Variants in BMP2K observed in about 807,000 individuals in gnomAD.
The protein encoded by BMP2K is BMP2 inducible kinase.
A neutral mutation model predicts 116.0 loss-of-function variants in BMP2K; 74 were observed. That is an observed-to-expected ratio of 0.64 (90% CI 0.53 to 0.77). The LOEUF (loss-of-function observed/expected upper bound fraction) is 0.77, where lower values mean the gene tolerates loss of function less well. BMP2K is among the 30% of genes least tolerant of loss of function. The pLI is 0.00. For missense variants in BMP2K, 1,365 were observed against 1,403.6 expected (o/e 0.97, Z 0.44); for synonymous variants, 486 against 502.5 (o/e 0.97, Z 0.44).
chr4:78,834,552 C>T (rs1010535312), intron 3 of BMP2K, among the ~76,000 whole-genome samples: 2 of 152,134 alleles, frequency 1.3e-5, no homozygotes, highest in Non-Finnish European at 2.9e-5. Context: ...TGAGCTACCG[C>T]GTCTGTCCTT....
intron 3 of BMP2K, among the ~76,000 whole-genome samples, chr4:78,841,936 C>T (rs1302237734): frequency 6.6e-6 from 1 of 151,940 alleles, no homozygotes; most frequent in Non-Finnish European, 1.5e-5. Context: ...ATTTAGGTTT[C>T]TCATATAAGT....
At chr4:78,794,818 C>T (rs1385434350) in intron 1 of BMP2K, among the ~76,000 whole-genome samples, 1 of 152,182 alleles carries the variant, frequency 6.6e-6, no homozygotes, top group African/African-American at 2.4e-5. Context: ...CCACCTGGGC[C>T]TCCCAAAGTG....
chr4:78,892,962 G>A (rs948085969), intron 15 of BMP2K, among the ~76,000 whole-genome samples: 3 of 152,168 alleles, frequency 2.0e-5, no homozygotes, highest in African/African-American at 7.2e-5. Context: ...GGTGGCTATG[G>A]TAATTTCTTA....
intron 1 of BMP2K, among the ~76,000 whole-genome samples, chr4:78,823,282 C>T (rs912735668): frequency 6.6e-6 from 1 of 151,862 alleles, no homozygotes; most frequent in African/African-American, 2.4e-5. Context: ...TCACATTGCT[C>T]TGTGGGTGAG....
At chr4:78,847,666 T>C (rs1731074887) in intron 6 of BMP2K, among the ~76,000 whole-genome samples, 2 of 151,678 alleles carry the variant, frequency 1.3e-5, no homozygotes, top group African/African-American at 2.4e-5. Context: ...TGGAAATTGA[T>C]ATGAGTAAAT....
intron 1 of BMP2K, among the ~76,000 whole-genome samples, chr4:78,809,696 T>G (rs1446149564): frequency 6.6e-6 from 1 of 151,896 alleles, no homozygotes; most frequent in Non-Finnish European, 1.5e-5. Flanking sequence ...GTTTTTTTTT[T>G]TTTTTAAATA....
chr4:78,836,857 G>C (rs1428209912), intron 3 of BMP2K, among the ~76,000 whole-genome samples: 2 of 152,138 alleles, frequency 1.3e-5, no homozygotes, highest in Non-Finnish European at 2.9e-5. Flanking sequence ...TATTGTGATT[G>C]CTTAATTTTT....
intron 10 of BMP2K, among the ~76,000 whole-genome samples, chr4:78,866,388 A>G (rs1018163244): frequency 6.6e-6 from 1 of 152,140 alleles, no homozygotes; most frequent in Non-Finnish European, 1.5e-5. Context: ...TAATGTTAAA[A>G]TGTTTTTAAT....
At chr4:78,806,744 T>A (rs1227501182) in intron 1 of BMP2K, among the ~76,000 whole-genome samples, 1 of 152,114 alleles carries the variant, frequency 6.6e-6, no homozygotes, top group East Asian at 1.9e-4. Flanking sequence ...AGCTGTGGGA[T>A]TTTTGTAGAT....
At chr4:78,810,044 C>G (rs1289766219) in intron 1 of BMP2K, among the ~76,000 whole-genome samples, 4 of 152,166 alleles carry the variant, frequency 2.6e-5, no homozygotes, top group African/African-American at 9.7e-5. Flanking sequence ...ACTGACTTTC[C>G]TGTACTAATT....
rs180732426 is a variant in BMP2K, at chr4:78,913,557, C to A, written c.*1524C>A. Reference sequence around the variant, plus strand: ...AGGAGTAGAAACTCATCAACTGGCACTCTCTTTGATTTTTATATTTTAAAT... The same window carrying A: ...AGGAGTAGAAACTCATCAACTGGCAATCTCTTTGATTTTTATATTTTAAAT... On this transcript the variant is annotated 3_prime_UTR_variant, in exon 16 of 16. Coordinates refer to ENST00000502613, the MANE Select transcript of BMP2K (RefSeq NM_198892.2). 3 of 152,108 alleles carry A rather than the reference C, an allele frequency of 2.0e-5. No individual in the cohort carries two copies. The highest frequency in any genetic ancestry group is 1.3e-4 in the Admixed American group (2 of 15,262). The allele number at this position is 152,108 out of a possible 1,614,324, so 9.4% of individuals were successfully genotyped here. A position where few individuals can be genotyped will look rare whatever the true frequency, so the allele number is the denominator to read the frequency against.
At chr4:78,863,967 A>C (rs769773317) in intron 9 of BMP2K, among the ~76,000 whole-genome samples, 1 of 152,164 alleles carries the variant, frequency 6.6e-6, no homozygotes, top group Non-Finnish European at 1.5e-5. Context: ...TATTTATTAC[A>C]TTTCCACTAA....
In BMP2K at chr4:78,907,841, C is replaced by T. The variant is rs113322983; in HGVS notation, c.2063-2769C>T. Among the ~76,000 whole-genome samples, 5 of 152,130 alleles carry T rather than the reference C, an allele frequency of 3.3e-5. 1 individual carries two copies. The highest frequency in any genetic ancestry group is 9.6e-5 in the African/African-American group (4 of 41,508). On this transcript the variant is annotated intron_variant, in intron 15 of 15. Transcript: ENST00000502613. ...CATTGGAATGTTACTTGGAGGTGTC[C>T]GTGAGCAGGCGTGAGGTGTGAATGT...
intron 1 of BMP2K, among the ~76,000 whole-genome samples, chr4:78,778,984 T>C (rs1395140635): frequency 6.6e-6 from 1 of 152,222 alleles, no homozygotes; most frequent in Non-Finnish European, 1.5e-5. Context: ...GAAGACTCAG[T>C]AGATACTGTG....
chr4:78,872,527 A>G, intron 12 of BMP2K, 87 bp from the exon 13 acceptor site: 1 of 1,213,046 alleles, frequency 8.2e-7, no homozygotes, highest in Non-Finnish European at 1.1e-6. Context: ...CACCAATGTG[A>G]AAGGAAGGAA....
intron 15 of BMP2K, among the ~76,000 whole-genome samples, chr4:78,896,003 C>A: frequency 6.6e-6 from 1 of 152,162 alleles, no homozygotes; most frequent in East Asian, 1.9e-4. Flanking sequence ...TTCAAGCAAT[C>A]CTGCCTTGGC....
chr4:78,778,597 T>C (rs1727356841), intron 1 of BMP2K, among the ~76,000 whole-genome samples: 1 of 152,214 alleles, frequency 6.6e-6, no homozygotes, highest in South Asian at 2.1e-4. Context: ...TCTTTCCTTG[T>C]GTATTTTTTC....
In BMP2K at chr4:78,911,610, CA is replaced by C. The variant is rs1350847218; in HGVS notation, c.3069del (p.Val1024TrpfsTer13). The C allele has an allele frequency of 6.2e-7, 1 of 1,613,668 alleles. No homozygotes were observed. Among genetic ancestry groups the C allele is most frequent in the Non-Finnish European group, 8.5e-7 (1 of 1,179,796 alleles). ...GCACTCCAGAGAGGGCTCGCAGGCA[CA>C]AAAAAGTGGGCCGCCGAGACTCTCA... ...YRTPERARRH[K>X]KVGRRDSQSS... On this transcript the variant is annotated frameshift_variant, in exon 16 of 16. Coordinates refer to ENST00000502613, the MANE Select transcript of BMP2K (RefSeq NM_198892.2). LOFTEE classifies it high-confidence loss of function.
chr4:78,887,173 G>C lies in BMP2K; in HGVS notation c.1952-1G>C, dbSNP rs764818149. On this transcript the variant is annotated splice_acceptor_variant, in intron 14 of 15. Coordinates refer to ENST00000502613, the MANE Select transcript of BMP2K (RefSeq NM_198892.2). LOFTEE classifies it high-confidence loss of function. ...TATTTCGTTTCATCTTATTTTTGCA[G>C]ATAGGCTCGAGGAGAGAGCATCCTC... The C allele has an allele frequency of 1.6e-5, 26 of 1,582,132 alleles. No individual in the cohort carries two copies. The East Asian group carries it at 5.8e-4, about 36-fold the overall frequency.
Sources: gnomAD v4.1 joint callset for allele counts (sites outside exome capture counted in the v4.1 genomes callset) on GRCh38, gnomAD v4.1.1 for gene constraint, MANE v1.5 for transcripts, NCBI Gene and HGNC (gene_info 2026-07-23, HGNC 2026-07-21) for gene names.